TG: variants seen among roughly 807,000 people sequenced by gnomAD.
TG encodes thyroid hormones.
Under a neutral mutation model 324.7 loss-of-function variants are expected in TG, and 270 were observed. That is an observed-to-expected ratio of 0.83 (90% CI 0.75 to 0.92). The LOEUF is 0.92. TG is among the 40% of genes least tolerant of loss of function. TG has a pLI of 0.00. For synonymous variants in TG, 1,401 were observed against 1,327.0 expected (o/e 1.06, Z -1.21); for missense variants, 3,591 against 3,456.4 (o/e 1.04, Z -0.98).
At chr8:132,965,622 G>T (rs962628771) in intron 29 of TG, among the ~76,000 whole-genome samples, 1 of 152,246 alleles carries the variant, frequency 6.6e-6, no homozygotes, top group Non-Finnish European at 1.5e-5. Context: ...GGGCCTGGGT[G>T]TTGGGGTCCT....
At chr8:133,003,082 G>A (rs548990677) in intron 35 of TG, 7 of 1,047,932 alleles carry the variant, frequency 6.7e-6, no homozygotes, top group South Asian at 6.9e-5. Context: ...TCATTTTGGC[G>A]AATTACTGGA....
chr8:133,101,906 C>T lies in TG; in HGVS notation c.7572+5533C>T, dbSNP rs150520114. 1.1e-3 allele frequency among the ~76,000 whole-genome samples: 165 copies of T among 152,302 alleles called. 1 individual carries two copies. Among genetic ancestry groups the T allele is most frequent in the African/African-American group, 3.9e-3 (164 of 41,562 alleles). Reference sequence around the variant, plus strand: ...CCGCTCCCTTGGTCATGTGTCAACACAGCAGGGAGAGTGTCCTGGGTGTCC... The same window carrying T: ...CCGCTCCCTTGGTCATGTGTCAACATAGCAGGGAGAGTGTCCTGGGTGTCC... On this transcript the variant is annotated intron_variant, in intron 43 of 47. Transcript: ENST00000220616.
chr8:133,052,109 A>G (rs946830621), intron 41 of TG, among the ~76,000 whole-genome samples: 2 of 152,010 alleles, frequency 1.3e-5, no homozygotes, highest in Admixed American at 6.6e-5. Flanking sequence ...GCCACTTTCT[A>G]GGATCCACAC....
intron 5 of TG, among the ~76,000 whole-genome samples, chr8:132,875,102 A>G (rs887694238): frequency 3.3e-5 from 5 of 152,176 alleles, no homozygotes; most frequent in African/African-American, 9.7e-5. Context: ...ATTACACCAT[A>G]GTGAAGATTT....
chr8:133,039,494 C>T (rs1401814892), intron 41 of TG, among the ~76,000 whole-genome samples: 2 of 152,146 alleles, frequency 1.3e-5, no homozygotes, highest in African/African-American at 4.8e-5. Flanking sequence ...ACCCACCAAT[C>T]CCAAACTACA....
At chr8:133,018,706 C>T (rs1296355344) in intron 38 of TG, among the ~76,000 whole-genome samples, 1 of 152,074 alleles carries the variant, frequency 6.6e-6, no homozygotes, top group East Asian at 1.9e-4. Flanking sequence ...CTTATTACTG[C>T]TGCTCTTCTC....
At chr8:132,882,165 A>G (rs773034411) in intron 6 of TG, among the ~76,000 whole-genome samples, 196 bp downstream of exon 6, 15 of 152,242 alleles carry the variant, frequency 9.9e-5, no homozygotes, top group Non-Finnish European at 1.8e-4. Context: ...GCTGGCCCAC[A>G]TAGTGCCTTT....
At chr8:132,955,788 C>T (rs994052551) in intron 27 of TG, among the ~76,000 whole-genome samples, 8 of 152,206 alleles carry the variant, frequency 5.3e-5, no homozygotes, top group Non-Finnish European at 1.2e-4. Context: ...CCAGTTTAAT[C>T]TGAGGGTGTG....
chr8:133,014,464 A>G (rs76131403), intron 37 of TG, among the ~76,000 whole-genome samples: 2,820 of 152,302 alleles, frequency 0.019, 82 homozygotes, highest in African/African-American at 0.064. Context: ...CTCCCCCACT[A>G]GACATATTTA....
chr8:132,956,507 C>A (rs56069721), intron 27 of TG, among the ~76,000 whole-genome samples: 46,360 of 151,996 alleles, frequency 0.31, 9,351 homozygotes, highest in African/African-American at 0.57. Flanking sequence ...TGATGCAGAA[C>A]CTGATTCTGA....
At chr8:132,931,028 A>T (rs1822639020) in intron 23 of TG, among the ~76,000 whole-genome samples, 1 of 152,184 alleles carries the variant, frequency 6.6e-6, no homozygotes, top group African/African-American at 2.4e-5. Flanking sequence ...AATACCGTAG[A>T]CTGGGGGACT....
At chr8:132,999,091 A>T (rs564986025) in intron 35 of TG, among the ~76,000 whole-genome samples, 1 of 152,162 alleles carries the variant, frequency 6.6e-6, no homozygotes, top group Non-Finnish European at 1.5e-5. Flanking sequence ...AGTCATGGTA[A>T]GAACCCTGGT....
intron 41 of TG, among the ~76,000 whole-genome samples, chr8:133,057,407 A>G (rs1271324633): frequency 6.6e-6 from 1 of 152,258 alleles, no homozygotes; most frequent in Non-Finnish European, 1.5e-5. Flanking sequence ...AGCAAATTAC[A>G]GAACTACCAG....
intron 11 of TG, among the ~76,000 whole-genome samples, chr8:132,895,309 C>A (rs1816935006): frequency 6.6e-6 from 1 of 152,232 alleles, no homozygotes; most frequent in Non-Finnish European, 1.5e-5. Context: ...CAAAGAGAAT[C>A]CCTCCAGCAG....
At chr8:133,024,777 A>G (rs1040432003) in intron 40 of TG, among the ~76,000 whole-genome samples, 2 of 150,860 alleles carry the variant, frequency 1.3e-5, no homozygotes, top group African/African-American at 5.0e-5. Flanking sequence ...TCCATGGTGT[A>G]TATGTGCCAC....
chr8:133,083,402 G>A (rs1846039122), intron 41 of TG, among the ~76,000 whole-genome samples: 1 of 152,186 alleles, frequency 6.6e-6, no homozygotes, highest in African/African-American at 2.4e-5. Context: ...ACAAATGAAT[G>A]AGGTAAATAT....
At chr8:133,089,841 C>G (rs1004064603) in intron 41 of TG, 2 of 152,280 alleles carry the variant, frequency 1.3e-5, no homozygotes, top group African/African-American at 4.8e-5. Context: ...GGAATGGTCA[C>G]CCACCCTGTT....
At chr8:133,058,742 GA>G (rs1422747766) in intron 41 of TG, among the ~76,000 whole-genome samples, 10 of 152,248 alleles carry the variant, frequency 6.6e-5, no homozygotes, top group Non-Finnish European at 1.0e-4. Flanking sequence ...TGTCGCATGG[GA>G]GATAGAGGGC....
chr8:133,109,229 G>A (rs1407325524), intron 43 of TG, among the ~76,000 whole-genome samples: 2 of 152,120 alleles, frequency 1.3e-5, no homozygotes, highest in Non-Finnish European at 2.9e-5. Flanking sequence ...CCAGGCCAAC[G>A]GCATCAGCAT....
Sources: allele counts gnomAD v4.1 joint callset (sites outside exome capture counted in the v4.1 genomes callset), GRCh38; gene constraint gnomAD v4.1.1; transcripts MANE v1.5; gene names NCBI Gene and HGNC (gene_info 2026-07-23, HGNC 2026-07-21).